Variants in GDPD1 observed in about 807,000 individuals in gnomAD.
The protein encoded by GDPD1 is lysophospholipase D GDPD1.
Under a neutral mutation model 45.1 loss-of-function variants are expected in GDPD1, and 28 were observed. The ratio of observed to expected loss-of-function variants is 0.62; its 90% CI spans 0.46 to 0.85. The LOEUF (loss-of-function observed/expected upper bound fraction) is 0.85. Ranked by LOEUF, GDPD1 falls within the 40% of genes least tolerant of loss-of-function variation. GDPD1 has a pLI of 0.00. For missense variants in GDPD1, 256 were observed against 364.8 expected, an observed-to-expected ratio of 0.70 and a Z score of 2.43; for synonymous variants, 139 against 131.4, an observed-to-expected ratio of 1.06 and a Z score of -0.40.
At chr17:59,255,364 G>C (rs1327028935) in intron 4 of GDPD1, among the ~76,000 whole-genome samples, 1 of 151,744 alleles carries the variant, frequency 6.6e-6, no homozygotes, top group African/African-American at 2.4e-5. Context: ...ACTTAGGGAG[G>C]CTGAGGCAGG....
intron 2 of GDPD1, among the ~76,000 whole-genome samples, chr17:59,244,285 A>G (rs1328850834): frequency 6.6e-6 from 1 of 152,166 alleles, no homozygotes; most frequent in African/African-American, 2.4e-5. Flanking sequence ...GAGGGGCCAC[A>G]TGTGCAGTGT....
intron 4 of GDPD1, among the ~76,000 whole-genome samples, chr17:59,255,166 A>G (rs940546198): frequency 1.2e-4 from 18 of 152,302 alleles, no homozygotes; most frequent in African/African-American, 4.3e-4. Flanking sequence ...GCCATATAAT[A>G]AGACGGAATA....
intron 3 of GDPD1, among the ~76,000 whole-genome samples, chr17:59,246,974 G>T (rs2047217335): frequency 6.6e-6 from 1 of 151,778 alleles, no homozygotes; most frequent in Admixed American, 6.6e-5. Context: ...CACCATGTTG[G>T]CCAGGCTGGT....
rs35411377 is a variant in GDPD1 at position 59,274,512 on chromosome 17, C to CAAAAAAAA, written c.*756_*763dup. ...TGGGAGACAGAGTGAGACTCCGTCTCAAAAAAAAAAAAAAAAAAAAAAAAT... is the reference window on the plus strand; with the variant it reads ...TGGGAGACAGAGTGAGACTCCGTCTCAAAAAAAAAAAAAAAAAAAAAAAAAAAAAAAAT... On this transcript the variant is annotated 3_prime_UTR_variant, in exon 10 of 10. Transcript: ENST00000284116. 1.5e-5 allele frequency: 1 copy of CAAAAAAAA among 67,958 alleles called. No homozygotes were observed. Among genetic ancestry groups the CAAAAAAAA allele is most frequent in the African/African-American group, 4.8e-5 (1 of 20,994 alleles). The allele number at this position is 67,958 out of a possible 1,614,324, so 4.2% of individuals were successfully genotyped here. A position where few individuals can be genotyped will look rare whatever the true frequency, so the allele number is the denominator to read the frequency against.
intron 6 of GDPD1, among the ~76,000 whole-genome samples, chr17:59,263,899 T>C (rs991827222): frequency 2.6e-5 from 4 of 152,134 alleles, no homozygotes; most frequent in African/African-American, 9.7e-5. Flanking sequence ...AGTGGGAAAA[T>C]GTGGCGCTTA....
At chr17:59,240,667 C>T (rs1004622740) in intron 2 of GDPD1, among the ~76,000 whole-genome samples, 13 of 152,164 alleles carry the variant, frequency 8.5e-5, no homozygotes, top group African/African-American at 2.9e-4. Flanking sequence ...GATGAGATCT[C>T]TCCATGTTGC....
chr17:59,264,394 A>G (rs1321692069), intron 6 of GDPD1, among the ~76,000 whole-genome samples: 2 of 152,026 alleles, frequency 1.3e-5, no homozygotes, highest in Non-Finnish European at 2.9e-5. Flanking sequence ...CCCAGGTTCA[A>G]GCAATTCTCC....
In GDPD1 at chr17:59,268,578, CAAAAAAA is replaced by C. The variant is rs1176390251; in HGVS notation, c.710+1422_710+1428del. Among the ~76,000 whole-genome samples the C allele has an allele frequency of 2.3e-3, 83 of 35,362 alleles. 1 individual carries two copies. The South Asian group carries it at 0.074, about 31-fold the overall frequency. 23.2% of individuals were successfully genotyped at this position (35,362 alleles called of 152,430 possible). On this transcript the variant is annotated intron_variant, in intron 7 of 9. Coordinates refer to ENST00000284116, the MANE Select transcript of GDPD1 (RefSeq NM_182569.4). ...TGGGCGACAGAGCGAGACTCTGTCT[CAAAAAAA>C]AAAAAAAAAAAAAAAAAGAAAAGAA...
intron 1 of GDPD1, among the ~76,000 whole-genome samples, chr17:59,233,648 C>T (rs1171605928): frequency 6.6e-6 from 1 of 151,966 alleles, no homozygotes; most frequent in Non-Finnish European, 1.5e-5. Flanking sequence ...TACTTAGTTA[C>T]CCTGAACATT....
intron 6 of GDPD1, among the ~76,000 whole-genome samples, chr17:59,261,834 G>A (rs538786817): frequency 6.8e-6 from 1 of 147,858 alleles, no homozygotes; most frequent in East Asian, 2.0e-4. Context: ...GAGTCTCACT[G>A]TATTGGCCAA....
chr17:59,246,709 CAAAAA>C (rs749077536), intron 3 of GDPD1, among the ~76,000 whole-genome samples: 10 of 27,560 alleles, frequency 3.6e-4, no homozygotes, highest in African/African-American at 1.4e-3. Context: ...GACTCCATCT[CAAAAA>C]AAAAAAAAAA....
intron 2 of GDPD1, among the ~76,000 whole-genome samples, chr17:59,243,001 C>T (rs1014018154): frequency 1.3e-5 from 2 of 152,064 alleles, no homozygotes; most frequent in African/African-American, 2.4e-5. Flanking sequence ...CCAGCTTGGG[C>T]AACATGGTGA....
intron 2 of GDPD1, among the ~76,000 whole-genome samples, chr17:59,243,525 A>AT (rs2047189936): frequency 6.6e-6 from 1 of 152,012 alleles, no homozygotes; most frequent in East Asian, 1.9e-4. Flanking sequence ...AAAAAAAAAA[A>AT]AAGTGAGCGA....
intron 2 of GDPD1, among the ~76,000 whole-genome samples, chr17:59,242,527 G>A (rs2047182656): frequency 6.6e-6 from 1 of 152,172 alleles, no homozygotes; most frequent in Non-Finnish European, 1.5e-5. Context: ...CTCCTGTTAT[G>A]ATTTGGCCTT....
intron 6 of GDPD1, among the ~76,000 whole-genome samples, chr17:59,263,999 T>TTTA: frequency 6.6e-6 from 1 of 151,826 alleles, no homozygotes; most frequent in South Asian, 2.1e-4. Context: ...AATTTAATTT[T>TTTA]ATTTTATTTT....
chr17:59,224,486 G>A (rs1317796400), intron 1 of GDPD1, among the ~76,000 whole-genome samples: 2 of 152,006 alleles, frequency 1.3e-5, no homozygotes, highest in Admixed American at 1.3e-4. Flanking sequence ...TTAGCTGAGC[G>A]TGGTGGCGGG....
chr17:59,255,766 T>A (rs2655909), intron 4 of GDPD1, among the ~76,000 whole-genome samples: 4,445 of 58,872 alleles, frequency 0.076, 343 homozygotes, highest in Non-Finnish European at 0.1. Context: ...AAAAAAAATA[T>A]ATATATATAT....
In GDPD1 at chr17:59,267,182, G is replaced by T; in HGVS notation, c.710+8G>T. The T allele has an allele frequency of 6.2e-7, 1 of 1,605,780 alleles. No homozygotes were observed. The highest frequency in any genetic ancestry group is 8.5e-7 in the Non-Finnish European group (1 of 1,176,750). On this transcript the variant is annotated splice_region_variant and intron_variant, in intron 7 of 9. Transcript: ENST00000284116. ...GCCTTCTATTATACTGAAGTAAGTG[G>T]TTACCCTTTTATTTTAAAATCAATT...
Position 59,241,467 on chromosome 17 carries a change from G to A in GDPD1, c.186-3947G>A, listed in dbSNP as rs549341804. On this transcript the variant is annotated intron_variant, in intron 2 of 9. Transcript: ENST00000284116. ...CGAGTAGCTGAGATTACAGGCATGC[G>A]ACACTATGCCTGGCTAATTATTTGT... Among the ~76,000 whole-genome samples the A allele has an allele frequency of 2.4e-3, 366 of 152,232 alleles. 3 individuals carry two copies. Among genetic ancestry groups the A allele is most frequent in the Non-Finnish European group, 3.6e-3 (248 of 68,002 alleles).
Sources: gnomAD v4.1 joint callset for allele counts (sites outside exome capture counted in the v4.1 genomes callset) on GRCh38, gnomAD v4.1.1 for gene constraint, MANE v1.5 for transcripts, NCBI Gene and HGNC (gene_info 2026-07-23, HGNC 2026-07-21) for gene names.